Variants in STON2 observed in about 807,000 individuals in gnomAD.
STON2 encodes stonin-2.
In STON2, 29 loss-of-function variants were observed where a neutral mutation model predicts 65.7. The observed-to-expected ratio is 0.44, with a 90% CI of 0.33 to 0.60. The LOEUF (loss-of-function observed/expected upper bound fraction) is 0.60, where lower values mean the gene tolerates loss of function less well. Ranked by LOEUF, STON2 falls within the 20% of genes least tolerant of loss-of-function variation. The pLI, the probability that STON2 is intolerant of heterozygous loss-of-function variation, is 0.03. For missense variants in STON2, 1,054 were observed against 1,118.1 expected, an observed-to-expected ratio of 0.94 and a Z score of 0.82; for synonymous variants, 404 against 414.2, an observed-to-expected ratio of 0.98 and a Z score of 0.30.
intron 5 of STON2, among the ~76,000 whole-genome samples, chr14:81,318,444 C>G (rs1338024945): frequency 6.6e-6 from 1 of 152,166 alleles, no homozygotes; most frequent in Non-Finnish European, 1.5e-5. Context: ...AAATGCAACT[C>G]CCTCTTCATA....
chr14:81,408,157 A>ACACACACACG (rs147841517), intron 2 of STON2, among the ~76,000 whole-genome samples: 139 of 150,520 alleles, frequency 9.2e-4, no homozygotes, highest in African/African-American at 3.0e-3. Context: ...ACACACACAC[A>ACACACACACG]CGCGCACACA....
At chr14:81,383,671 C>T (rs1899646766) in intron 3 of STON2, among the ~76,000 whole-genome samples, 1 of 152,186 alleles carries the variant, frequency 6.6e-6, no homozygotes, top group Admixed American at 6.5e-5. Context: ...CCACAATCCT[C>T]TCTTGCCTGG....
At chr14:81,373,090 T>G (rs1317998524) in intron 3 of STON2, among the ~76,000 whole-genome samples, 4 of 152,174 alleles carry the variant, frequency 2.6e-5, no homozygotes, top group African/African-American at 9.6e-5. Flanking sequence ...TCTAATGTAC[T>G]ACACGCCCAT....
intron 4 of STON2, among the ~76,000 whole-genome samples, chr14:81,338,913 T>C (rs1323237258): frequency 6.6e-6 from 1 of 152,148 alleles, no homozygotes; most frequent in Non-Finnish European, 1.5e-5. Context: ...GTGCTGGCAA[T>C]TGAGCTGAAC....
chr14:81,380,636 G>C (rs1027854113), intron 3 of STON2, among the ~76,000 whole-genome samples: 2 of 152,074 alleles, frequency 1.3e-5, no homozygotes, highest in Non-Finnish European at 2.9e-5. Flanking sequence ...GGAATACTAC[G>C]CAGCCATAAA....
At chr14:81,345,590 T>C (rs747430877) in intron 4 of STON2, among the ~76,000 whole-genome samples, 17 of 152,040 alleles carry the variant, frequency 1.1e-4, no homozygotes, top group Non-Finnish European at 2.2e-4. Context: ...GGTGAAACCT[T>C]GTCTCTACAA....
chr14:81,430,247 C>T (rs985039401), intron 1 of STON2, among the ~76,000 whole-genome samples: 1 of 152,208 alleles, frequency 6.6e-6, no homozygotes, highest in East Asian at 1.9e-4. Flanking sequence ...CTGTTGGTCT[C>T]GCTGTGGTTT....
At chr14:81,381,490 G>A (rs1566935763) in intron 3 of STON2, among the ~76,000 whole-genome samples, 1 of 152,080 alleles carries the variant, frequency 6.6e-6, no homozygotes, top group Non-Finnish European at 1.5e-5. Context: ...GACACCAACA[G>A]GAATATAGCT....
Position 81,263,268 on chromosome 14 carries a change from G to A in STON2, c.*5146C>T, listed in dbSNP as rs1943962946. On this transcript the variant is annotated 3_prime_UTR_variant, in exon 8 of 8. Coordinates refer to ENST00000614646, the MANE Select transcript of STON2 (RefSeq NM_001394390.1). ...CATTATGCTATTTTGGCCAGGCGCG[G>A]CGGCTCATGCCTGTTATCCTAGCAC... is the stretch of plus-strand genomic sequence containing the variant. 1.1e-5 allele frequency: 7 copies of A among 610,554 alleles called. No homozygotes were observed. Among genetic ancestry groups the A allele is most frequent in the African/African-American group, 2.0e-5 (1 of 49,716 alleles). The allele number at this position is 610,554 out of a possible 1,614,324, so 37.8% of individuals were successfully genotyped here. A position where few individuals can be genotyped will look rare whatever the true frequency, so the allele number is the denominator to read the frequency against.
chr14:81,422,888 A>G (rs1305984823), intron 2 of STON2, among the ~76,000 whole-genome samples: 2 of 152,118 alleles, frequency 1.3e-5, no homozygotes, highest in African/African-American at 4.8e-5. Context: ...AAAAAAAATT[A>G]GCTGGGTGTG....
intron 2 of STON2, among the ~76,000 whole-genome samples, chr14:81,419,507 C>T (rs1901599998): frequency 6.6e-6 from 1 of 152,184 alleles, no homozygotes; most frequent in Admixed American, 6.5e-5. Context: ...TTCACAGGTT[C>T]TAAATGATGG....
At chr14:81,352,147 CATA>C (rs1474194916) in intron 4 of STON2, among the ~76,000 whole-genome samples, 1 of 151,806 alleles carries the variant, frequency 6.6e-6, no homozygotes, top group Non-Finnish European at 1.5e-5. Context: ...GTAGTATTAC[CATA>C]ATAACTATAA....
Position 81,278,717 on chromosome 14 carries a change from T to C in STON2, c.765A>G (p.Glu255=). ...TGGCCTCCATCTCTACTTCTTCATCTTCTTGAAGCGAGGAGGAATTGTCTA... is the reference window on the plus strand; with the variant it reads ...TGGCCTCCATCTCTACTTCTTCATCCTCTTGAAGCGAGGAGGAATTGTCTA... The part of the protein sequence containing the change: ...APNDNSSSLQ[E]DEEVEMEAIS... Residue 255 remains glutamate, a synonymous_variant, in exon 6 of 8, where the codon GAA becomes GAG. Transcript: ENST00000614646. 2 of 1,517,490 alleles carry C rather than the reference T, an allele frequency of 1.3e-6. No homozygotes were observed. The highest frequency in any genetic ancestry group is 1.8e-6 in the Non-Finnish European group (2 of 1,135,556). 94.0% of individuals were successfully genotyped at this position (1,517,490 alleles called of 1,614,324 possible).
chr14:81,337,946 AAAC>A (rs1171922969), intron 4 of STON2, among the ~76,000 whole-genome samples: 2 of 152,198 alleles, frequency 1.3e-5, no homozygotes, highest in Admixed American at 1.3e-4. Flanking sequence ...TAAAAAAAGA[AAAC>A]AAGATTTTAA....
Position 81,265,591 on chromosome 14 carries a change from G to A in STON2, c.*2823C>T. ...ATTTGGGAGGCAGAGGTTGCAATGA[G>A]CCGAGATCACGCCATTGCACTCCAG... On this transcript the variant is annotated 3_prime_UTR_variant, in exon 8 of 8. Transcript: ENST00000614646. The A allele has an allele frequency of 2.6e-6, 1 of 378,512 alleles. No individual in the cohort carries two copies. Among genetic ancestry groups the A allele is most frequent in the South Asian group, 1.1e-4 (1 of 9,224 alleles). 23.4% of individuals were successfully genotyped at this position (378,512 alleles called of 1,614,324 possible).
exon 1 of STON2, chr14:81,436,443 G>C (rs1043107675): frequency 1.3e-5 from 2 of 151,698 alleles, no homozygotes; most frequent in African/African-American, 4.8e-5. Flanking sequence ...CCCGGCCGCA[G>C]CGCCGACGCC....
chr14:81,385,603 A>C (rs1455387977), intron 3 of STON2, among the ~76,000 whole-genome samples: 1 of 152,146 alleles, frequency 6.6e-6, no homozygotes, highest in Non-Finnish European at 1.5e-5. Context: ...CAACAAGCTG[A>C]CTTCACTGAG....
chr14:81,360,493 A>AT (rs1303913604), intron 4 of STON2, among the ~76,000 whole-genome samples: 1 of 152,202 alleles, frequency 6.6e-6, no homozygotes, highest in East Asian at 1.9e-4. Context: ...GATAAAAAAA[A>AT]TAACAAATTA....
At chr14:81,285,946 G>A (rs907268174) in intron 5 of STON2, among the ~76,000 whole-genome samples, 4 of 152,250 alleles carry the variant, frequency 2.6e-5, no homozygotes, top group South Asian at 2.1e-4. Flanking sequence ...TCAGGAGTCC[G>A]AGACCAGCCT....
Sources: allele counts gnomAD v4.1 joint callset (sites outside exome capture counted in the v4.1 genomes callset), GRCh38; gene constraint gnomAD v4.1.1; transcripts MANE v1.5; gene names NCBI Gene and HGNC (gene_info 2026-07-23, HGNC 2026-07-21).